Variants in CDH2 observed in about 807,000 individuals in gnomAD.
CDH2 encodes cadherin 2.
CDH2 carries 17 observed loss-of-function variants against 92.0 expected under a neutral mutation model. That is an observed-to-expected ratio of 0.18 (90% CI 0.13 to 0.28). The LOEUF (loss-of-function observed/expected upper bound fraction) is 0.28. CDH2 is among the 10% of genes least tolerant of loss of function. The probability of loss-of-function intolerance (pLI) is 1.00; values close to 1 mark genes in which losing one functional copy is unlikely to be tolerated. For missense variants in CDH2, 862 were observed against 1,133.1 expected (o/e 0.76, Z 3.44); for synonymous variants, 419 against 415.9 (o/e 1.01, Z -0.09).
chr18:28,075,444 T>G (rs1024563140), intron 2 of CDH2, among the ~76,000 whole-genome samples: 2 of 152,074 alleles, frequency 1.3e-5, no homozygotes, highest in Non-Finnish European at 2.9e-5. Flanking sequence ...TTAAGAGTGC[T>G]CTGAACTATT....
At position 28,130,492 on chromosome 18, in the gene CDH2, G is replaced by C. The variant is rs17446756; in HGVS notation, c.172+17181C>G. Reference sequence around the variant, plus strand: ...AAATGTATTTCCGACATAACATTCTGACAACTACTGCTCTGAAAGACATAG... The same window carrying C: ...AAATGTATTTCCGACATAACATTCTCACAACTACTGCTCTGAAAGACATAG... On this transcript the variant is annotated intron_variant, in intron 2 of 15. Transcript: ENST00000269141. Among the ~76,000 whole-genome samples, 1,210 of 152,288 alleles carry C rather than the reference G, an allele frequency of 7.9e-3. 11 individuals carry two copies. The highest frequency in any genetic ancestry group is 0.013 in the Non-Finnish European group (894 of 68,020).
At chr18:27,981,750 T>G (rs1283167633) in intron 14 of CDH2, among the ~76,000 whole-genome samples, 1 of 152,218 alleles carries the variant, frequency 6.6e-6, no homozygotes, top group East Asian at 1.9e-4. Flanking sequence ...TTGCTTTTAT[T>G]CAATTAGCAG....
chr18:27,948,118 AAC>A (rs1033837773), downstream of CDH2, among the ~76,000 whole-genome samples: 1 of 151,334 alleles, frequency 6.6e-6, no homozygotes. Flanking sequence ...GTGTTTGGAA[AAC>A]AGATATAAGT....
At chr18:28,102,143 GA>G (rs1164739278) in intron 2 of CDH2, among the ~76,000 whole-genome samples, 1 of 152,084 alleles carries the variant, frequency 6.6e-6, no homozygotes, top group Non-Finnish European at 1.5e-5. Flanking sequence ...CCAGTTAGAA[GA>G]CAGAGCAAAA....
chr18:27,974,293 A>G (rs575184473), intron 14 of CDH2, among the ~76,000 whole-genome samples: 2 of 152,348 alleles, frequency 1.3e-5, no homozygotes, highest in South Asian at 4.1e-4. Context: ...GGTCTGGTAC[A>G]AAGAATAAAA....
chr18:27,983,876 G>A (rs574438940), intron 13 of CDH2, among the ~76,000 whole-genome samples: 1 of 152,264 alleles, frequency 6.6e-6, no homozygotes, highest in South Asian at 2.1e-4. Context: ...CATATCCCTA[G>A]GTGCACATCT....
chr18:27,964,434 C>A (rs1296350434), intron 14 of CDH2, among the ~76,000 whole-genome samples: 1 of 152,138 alleles, frequency 6.6e-6, no homozygotes, highest in East Asian at 1.9e-4. Flanking sequence ...GTATTCAAAC[C>A]TCTGAATTCT....
At chr18:28,088,045 A>C (rs1373547826) in intron 2 of CDH2, among the ~76,000 whole-genome samples, 1 of 152,196 alleles carries the variant, frequency 6.6e-6, no homozygotes, top group Non-Finnish European at 1.5e-5. Context: ...ATGACCCTTC[A>C]GTAACTAGGC....
chr18:28,050,003 G>T, intron 2 of CDH2, among the ~76,000 whole-genome samples: 1 of 152,206 alleles, frequency 6.6e-6, no homozygotes. Flanking sequence ...CCATGCAAAA[G>T]AACATGTTCT....
intron 1 of CDH2, among the ~76,000 whole-genome samples, chr18:28,160,880 G>A (rs1432272199): frequency 2.6e-5 from 4 of 152,100 alleles, no homozygotes; most frequent in African/African-American, 4.8e-5. Context: ...CATGCATACC[G>A]GGTTTTCTTT....
Position 27,965,097 on chromosome 18 carries a change from T to C in CDH2, c.2350-1576A>G, listed in dbSNP as rs533283292. Among the ~76,000 whole-genome samples, 3 of 152,306 alleles carry C rather than the reference T, an allele frequency of 2.0e-5. No individual in the cohort carries two copies. In the East Asian group the frequency reaches 5.8e-4, roughly 29 times the overall value. ...GAAAAATGTTTTATCATCATCTCTT[T>C]AGGTGGAGAAACAGGTTGAGTAACT... is the stretch of plus-strand genomic sequence containing the variant. On this transcript the variant is annotated intron_variant, in intron 14 of 15. Coordinates refer to ENST00000269141, the MANE Select transcript of CDH2 (RefSeq NM_001792.5).
chr18:27,998,567 G>A (rs914911567), intron 7 of CDH2, among the ~76,000 whole-genome samples: 2 of 152,176 alleles, frequency 1.3e-5, no homozygotes, highest in African/African-American at 4.8e-5. Flanking sequence ...GGGGAAGCAG[G>A]TGGAAAGCCG....
At chr18:28,146,598 A>C (rs1162433338) in intron 2 of CDH2, 1 of 152,128 alleles carries the variant, frequency 6.6e-6, no homozygotes, top group Non-Finnish European at 1.5e-5. Flanking sequence ...CCTAATTTAA[A>C]TAGAAATTAA....
chr18:28,066,934 T>A (rs530694647), intron 2 of CDH2, among the ~76,000 whole-genome samples: 1 of 152,126 alleles, frequency 6.6e-6, no homozygotes, highest in Non-Finnish European at 1.5e-5. Flanking sequence ...TAAGAACATA[T>A]AGAAATTTAG....
At chr18:28,018,472 C>T (rs2013316294) in intron 2 of CDH2, among the ~76,000 whole-genome samples, 1 of 152,050 alleles carries the variant, frequency 6.6e-6, no homozygotes, top group African/African-American at 2.4e-5. Flanking sequence ...GGAGGTATTA[C>T]ATTACTTGAC....
At chr18:28,061,933 G>T (rs147020874) in intron 2 of CDH2, among the ~76,000 whole-genome samples, 5 of 152,226 alleles carry the variant, frequency 3.3e-5, no homozygotes, top group Non-Finnish European at 7.4e-5. Context: ...GACACATGGG[G>T]GTTATGGGAA....
chr18:27,934,505 C>T (rs1227032264), intron 6 of CDH2, among the ~76,000 whole-genome samples: 1 of 152,066 alleles, frequency 6.6e-6, no homozygotes, highest in East Asian at 1.9e-4. Flanking sequence ...GCAGGATATC[C>T]CTTTCTTGCC....
At chr18:27,953,110 T>C (rs1327374353) in intron 15 of CDH2, among the ~76,000 whole-genome samples, 1 of 152,134 alleles carries the variant, frequency 6.6e-6, no homozygotes, top group East Asian at 1.9e-4. Context: ...AAATAGGGTA[T>C]CTTCTAACTT....
intron 2 of CDH2, among the ~76,000 whole-genome samples, chr18:28,063,434 G>A (rs1182871847): frequency 6.6e-6 from 1 of 152,208 alleles, no homozygotes; most frequent in Admixed American, 6.5e-5. Context: ...ATTGTTCTGT[G>A]AAGGCTATGG....
Sources: allele counts gnomAD v4.1 joint callset (sites outside exome capture counted in the v4.1 genomes callset), GRCh38; gene constraint gnomAD v4.1.1; transcripts MANE v1.5; gene names NCBI Gene and HGNC (gene_info 2026-07-23, HGNC 2026-07-21).